MID1: variants seen among roughly 807,000 people sequenced by gnomAD.
The protein encoded by MID1 is E3 ubiquitin-protein ligase Midline-1.
In MID1, 7 loss-of-function variants were observed where a neutral mutation model predicts 40.4. That is an observed-to-expected ratio of 0.17 (90% confidence interval 0.10 to 0.33). The LOEUF (loss-of-function observed/expected upper bound fraction) is 0.33, where lower values mean the gene tolerates loss of function less well. Ranked by LOEUF, MID1 falls within the 10% of genes least tolerant of loss-of-function variation. MID1 has a pLI of 1.00. For missense variants in MID1, 367 were observed against 558.5 expected, an observed-to-expected ratio of 0.66 and a Z score of 3.46; for synonymous variants, 229 against 221.2, an observed-to-expected ratio of 1.04 and a Z score of -0.31.
At chrX:10,459,613 A>C in intron 8 of MID1, 33 bp downstream of exon 8, 2 of 1,196,693 alleles carry the variant, frequency 1.7e-6, no homozygotes, top group Non-Finnish European at 2.3e-6. Flanking sequence ...AGCAGATAAG[A>C]CATGACAGCT....
chrX:10,536,113 A>G (rs1214282469), intron 2 of MID1, among the ~76,000 whole-genome samples: 2 of 110,762 alleles, frequency 1.8e-5, no homozygotes, highest in South Asian at 3.9e-4. Context: ...TAGTCCCAGC[A>G]ACTCCGGAGG....
intron 1 of MID1, among the ~76,000 whole-genome samples, chrX:10,743,358 C>T (rs58917986): frequency 0.062 from 7,001 of 112,179 alleles, 538 homozygotes; most frequent in African/African-American, 0.22. Flanking sequence ...AAGATAAATA[C>T]GAAACGGCGG....
At chrX:10,777,945 C>T (rs929117825) in intron 1 of MID1, among the ~76,000 whole-genome samples, 2 of 111,727 alleles carry the variant, frequency 1.8e-5, no homozygotes, top group Non-Finnish European at 3.8e-5. Flanking sequence ...TCTTCAGAGG[C>T]AATAACATGC....
chrX:10,797,952 T>C (rs73491050), intron 1 of MID1, among the ~76,000 whole-genome samples: 7,009 of 111,763 alleles, frequency 0.063, 560 homozygotes, highest in African/African-American at 0.22. Context: ...AGAGCAGGCA[T>C]TGAGTAGGGG....
At chrX:10,787,202 A>G (rs1213549032) in intron 1 of MID1, among the ~76,000 whole-genome samples, 1 of 110,897 alleles carries the variant, frequency 9.0e-6, no homozygotes, top group East Asian at 2.9e-4. Flanking sequence ...AAGACTGAAA[A>G]AAGATACCAC....
At chrX:10,524,574 T>C (rs189058729) in intron 2 of MID1, among the ~76,000 whole-genome samples, 239 of 111,461 alleles carry the variant, frequency 2.1e-3, no homozygotes, top group Non-Finnish European at 4.0e-3. Context: ...TTCATTCATT[T>C]ACTTATGTGT....
chrX:10,785,548 G>T (rs1433502167), intron 1 of MID1, among the ~76,000 whole-genome samples: 1 of 111,195 alleles, frequency 9.0e-6, no homozygotes, highest in African/African-American at 3.3e-5. Flanking sequence ...GAGGCATCAC[G>T]CTACCTGACT....
At chrX:10,586,753 G>T (rs1204623651) in intron 1 of MID1, among the ~76,000 whole-genome samples, 2 of 112,735 alleles carry the variant, frequency 1.8e-5, no homozygotes, top group Admixed American at 1.9e-4. Context: ...CCTTAGACAT[G>T]CAGGCCAGCC....
intron 1 of MID1, among the ~76,000 whole-genome samples, chrX:10,724,017 A>G (rs181625052): frequency 1.8e-5 from 2 of 112,093 alleles, no homozygotes; most frequent in East Asian, 5.6e-4. Context: ...GACCATCTTC[A>G]GTGGCATCTT....
At chrX:10,488,964 C>CCT (rs200706413) in intron 4 of MID1, among the ~76,000 whole-genome samples, 4 of 110,357 alleles carry the variant, frequency 3.6e-5, no homozygotes, top group African/African-American at 1.3e-4. Flanking sequence ...TTAATAAACT[C>CCT]CTCTCTCTCT....
chrX:10,602,924 G>T (rs892606164), intron 1 of MID1, among the ~76,000 whole-genome samples: 1 of 112,197 alleles, frequency 8.9e-6, no homozygotes, highest in Non-Finnish European at 1.9e-5. Flanking sequence ...TAAGCTCTTC[G>T]CAACCTTCCT....
chrX:10,501,702 C>T, intron 3 of MID1: 1 of 481,585 alleles, frequency 2.1e-6, no homozygotes, highest in African/African-American at 2.4e-5. Flanking sequence ...CACCAATAAT[C>T]AGTTGCAGTC....
chrX:10,701,520 G>A (rs2043193993), intron 1 of MID1, among the ~76,000 whole-genome samples: 1 of 112,008 alleles, frequency 8.9e-6, no homozygotes, highest in African/African-American at 3.2e-5. Flanking sequence ...GTTTCTTTGG[G>A]AAGCTCAGAA....
intron 1 of MID1, among the ~76,000 whole-genome samples, chrX:10,723,255 T>A (rs1157593933): frequency 8.9e-6 from 1 of 111,897 alleles, no homozygotes; most frequent in Non-Finnish European, 1.9e-5. Flanking sequence ...CAAGACCACA[T>A]TTCCAGCGGC....
At chrX:10,588,549 A>G (rs1464238980) in intron 1 of MID1, among the ~76,000 whole-genome samples, 1 of 109,750 alleles carries the variant, frequency 9.1e-6, no homozygotes, top group African/African-American at 3.3e-5. Context: ...GGAATAGGGT[A>G]TACTGTTGTT....
chrX:10,567,642 G>A (rs927930464), intron 1 of MID1, 39 bp from the exon 2 acceptor site: 3 of 1,009,946 alleles, frequency 3.0e-6, no homozygotes, highest in Non-Finnish European at 4.2e-6. Context: ...GGCACAGGGA[G>A]GTCAACCATA....
intron 4 of MID1, among the ~76,000 whole-genome samples, chrX:10,490,111 G>A (rs1440882124): frequency 9.0e-6 from 1 of 111,517 alleles, no homozygotes; most frequent in Non-Finnish European, 1.9e-5. Context: ...AGATTATGTT[G>A]AATCTACAGG....
chrX:10,604,806 T>G, intron 1 of MID1, among the ~76,000 whole-genome samples: 1 of 112,613 alleles, frequency 8.9e-6, no homozygotes, highest in Non-Finnish European at 1.9e-5. Context: ...TTCCATTAAT[T>G]AATTCAGCAA....
At chrX:10,562,193 G>A (rs1934366484) in intron 2 of MID1, among the ~76,000 whole-genome samples, 1 of 104,141 alleles carries the variant, frequency 9.6e-6, no homozygotes, top group Admixed American at 1.0e-4. Flanking sequence ...ACACAGGGAG[G>A]GGAACATCAC....
Sources: allele counts gnomAD v4.1 joint callset (sites outside exome capture counted in the v4.1 genomes callset), GRCh38; gene constraint gnomAD v4.1.1; transcripts MANE v1.5; gene names NCBI Gene and HGNC (gene_info 2026-07-23, HGNC 2026-07-21).